The following CDKL4 variants were observed in gnomAD, a reference collection of about 807,000 sequenced individuals.
The protein encoded by CDKL4 is cyclin-dependent kinase-like 4.
In CDKL4, 44 loss-of-function variants were observed where a neutral mutation model predicts 42.0. That is an observed-to-expected ratio of 1.05 (90% CI 0.82 to 1.35). CDKL4 has a LOEUF of 1.35. CDKL4 is among the 40% of genes most tolerant of loss of function. The pLI is 0.00. For synonymous variants in CDKL4, 120 were observed against 121.6 expected, an observed-to-expected ratio of 0.99 and a Z score of 0.09; for missense variants, 393 against 369.9, an observed-to-expected ratio of 1.06 and a Z score of -0.51.
chr2:39,189,642 G>C (rs574738238), intron 6 of CDKL4, among the ~76,000 whole-genome samples: 125 of 152,284 alleles, frequency 8.2e-4, no homozygotes, highest in African/African-American at 3.0e-3. Context: ...TACAGCTTGT[G>C]ACCTCAGAAT....
chr2:39,190,275 A>C (rs1391188346), intron 6 of CDKL4, 30 bp downstream of exon 6: 3 of 1,527,468 alleles, frequency 2.0e-6, no homozygotes, highest in Non-Finnish European at 2.7e-6. Context: ...ACAATTCAGC[A>C]ACTCTGTTGC....
intron 8 of CDKL4, among the ~76,000 whole-genome samples, chr2:39,182,165 A>T (rs1339155797): frequency 1.3e-5 from 2 of 151,814 alleles, no homozygotes; most frequent in African/African-American, 2.4e-5. Context: ...TTTATTTTTT[A>T]TGTTTTGTAG....
intron 8 of CDKL4, among the ~76,000 whole-genome samples, chr2:39,180,812 T>TGGAATTA (rs1675398238): frequency 1.3e-5 from 2 of 149,662 alleles, no homozygotes; most frequent in African/African-American, 4.9e-5. Flanking sequence ...TGCCTCAGCC[T>TGGAATTA]CCCAAATAGC....
chr2:39,235,738 T>C (rs959823827), intron 1 of CDKL4, among the ~76,000 whole-genome samples: 2 of 151,854 alleles, frequency 1.3e-5, no homozygotes, highest in African/African-American at 4.8e-5. Context: ...GTAGACAGAG[T>C]GAGACCTTGT....
intron 4 of CDKL4, among the ~76,000 whole-genome samples, chr2:39,209,261 G>A (rs1033338434): frequency 9.9e-5 from 15 of 151,028 alleles, no homozygotes; most frequent in African/African-American, 1.7e-4. Context: ...GCAGTGAGCC[G>A]TGAAGGCGCC....
intron 5 of CDKL4, among the ~76,000 whole-genome samples, chr2:39,201,618 C>A (rs894427451): frequency 6.6e-6 from 1 of 152,140 alleles, no homozygotes; most frequent in African/African-American, 2.4e-5. Flanking sequence ...TATATATATA[C>A]CGCAGAATAC....
chr2:39,211,667 G>A (rs1677593358), intron 4 of CDKL4, among the ~76,000 whole-genome samples: 2 of 151,758 alleles, frequency 1.3e-5, no homozygotes, highest in African/African-American at 2.4e-5. Flanking sequence ...ATTAAATGCA[G>A]AAGGAATAAC....
At chr2:39,244,813 C>G (rs542673887), upstream of CDKL4, among the ~76,000 whole-genome samples, 4 of 152,222 alleles carry the variant, frequency 2.6e-5, no homozygotes, top group South Asian at 8.3e-4. Context: ...CACTCTGTAT[C>G]TAACTCAAGG....
upstream of CDKL4, among the ~76,000 whole-genome samples, chr2:39,245,627 T>C (rs954072586): frequency 1.3e-5 from 2 of 152,206 alleles, no homozygotes; most frequent in Non-Finnish European, 2.9e-5. Flanking sequence ...ACTTTCCCCT[T>C]AATACTGTGA....
chr2:39,226,740 G>C (rs928589043), intron 2 of CDKL4, among the ~76,000 whole-genome samples: 8 of 151,850 alleles, frequency 5.3e-5, no homozygotes, highest in African/African-American at 1.7e-4. Flanking sequence ...CACTCCGTCT[G>C]TAACTAGGGT....
intron 5 of CDKL4, among the ~76,000 whole-genome samples, chr2:39,201,932 C>T (rs1676877977): frequency 6.6e-6 from 1 of 152,050 alleles, no homozygotes; most frequent in South Asian, 2.1e-4. Context: ...AAATCACCAC[C>T]AAAGAACTTA....
chr2:39,212,879 T>C (rs1231841603), intron 4 of CDKL4, among the ~76,000 whole-genome samples: 1 of 151,646 alleles, frequency 6.6e-6, no homozygotes, highest in East Asian at 2.0e-4. Flanking sequence ...CAGGCTGGTC[T>C]TGAACTCCTG....
At chr2:39,182,381 G>C (rs971702967) in intron 8 of CDKL4, among the ~76,000 whole-genome samples, 1 of 152,142 alleles carries the variant, frequency 6.6e-6, no homozygotes, top group African/African-American at 2.4e-5. Flanking sequence ...AACATTTTTA[G>C]ATTCTTAGAA....
At chr2:39,179,013 A>G in intron 9 of CDKL4, 174 bp downstream of exon 9, 1 of 1,457,236 alleles carries the variant, frequency 6.9e-7, no homozygotes, top group East Asian at 2.4e-5. Flanking sequence ...TGATATTTTC[A>G]TAGTTCTATG....
chr2:39,177,137 CCT>C (rs1161024086), intron 9 of CDKL4, among the ~76,000 whole-genome samples: 1 of 152,162 alleles, frequency 6.6e-6, no homozygotes, highest in Non-Finnish European at 1.5e-5. Flanking sequence ...CCTTTTGCTG[CCT>C]CTGGGCCTTT....
chr2:39,245,887 C>G (rs1025610033), upstream of CDKL4, among the ~76,000 whole-genome samples: 1 of 152,190 alleles, frequency 6.6e-6, no homozygotes, highest in African/African-American at 2.4e-5. Context: ...TAGCATTGTA[C>G]TAGTACCTGA....
downstream of CDKL4, among the ~76,000 whole-genome samples, chr2:39,173,461 G>A (rs951933576): frequency 2.0e-5 from 3 of 152,146 alleles, no homozygotes; most frequent in African/African-American, 7.2e-5. Flanking sequence ...GAGATTGCTT[G>A]AGCCCAGGAG....
At chr2:39,213,891 TTTG>T (rs1052175168) in intron 3 of CDKL4, among the ~76,000 whole-genome samples, 1 of 123,210 alleles carries the variant, frequency 8.1e-6, no homozygotes, top group African/African-American at 3.4e-5. Context: ...CTGTACTTTT[TTTG>T]TTTTGTTTTG....
At position 39,178,582 on chromosome 2, in the gene CDKL4, G is replaced by T. The variant is rs779590187; in HGVS notation, c.927+605C>A. 8 of 1,552,544 alleles carry T rather than the reference G, an allele frequency of 5.2e-6. No homozygotes were observed. In the East Asian group the frequency reaches 1.9e-4, roughly 38 times the overall value. On this transcript the variant is annotated intron_variant, in intron 9 of 9. Coordinates refer to ENST00000451199, the Ensembl canonical transcript of CDKL4. ...ACTTCAAAGTTTTCTGAAAGCAAGTGAAGGACAGTCACCTGATAAACTGCA... is the reference window on the plus strand; with the variant it reads ...ACTTCAAAGTTTTCTGAAAGCAAGTTAAGGACAGTCACCTGATAAACTGCA...
Sources: gnomAD v4.1 joint callset for allele counts (sites outside exome capture counted in the v4.1 genomes callset) on GRCh38, gnomAD v4.1.1 for gene constraint, MANE v1.5 for transcripts, NCBI Gene and HGNC (gene_info 2026-07-23, HGNC 2026-07-21) for gene names.